Variants in NLGN1 observed in about 807,000 individuals in gnomAD.
NLGN1 encodes neuroligin 1.
Under a neutral mutation model 65.5 loss-of-function variants are expected in NLGN1, and 12 were observed. The observed-to-expected ratio is 0.18, with a 90% confidence interval of 0.12 to 0.30. The LOEUF (loss-of-function observed/expected upper bound fraction) is 0.30. NLGN1 is among the 10% of genes least tolerant of loss of function. The pLI is 1.00. For synonymous variants in NLGN1, 350 were observed against 359.5 expected (o/e 0.97, Z 0.30); for missense variants, 750 against 1,007.1 (o/e 0.74, Z 3.46).
intron 4 of NLGN1, among the ~76,000 whole-genome samples, chr3:174,026,596 C>T (rs558970468): frequency 6.6e-5 from 10 of 152,236 alleles, no homozygotes; most frequent in African/African-American, 2.4e-4. Context: ...ATAAGCACAA[C>T]TCAGAACATA....
chr3:173,638,712 G>A (rs1366428052), intron 3 of NLGN1, among the ~76,000 whole-genome samples: 1 of 152,110 alleles, frequency 6.6e-6, no homozygotes, highest in Non-Finnish European at 1.5e-5. Context: ...TCTATGAGGG[G>A]AGTTCTCTTT....
chr3:173,752,433 C>T (rs1341040988), intron 3 of NLGN1, among the ~76,000 whole-genome samples: 2 of 151,994 alleles, frequency 1.3e-5, no homozygotes, highest in African/African-American at 4.8e-5. Context: ...CTCTAACCAC[C>T]AGCTGCTTTT....
intron 3 of NLGN1, among the ~76,000 whole-genome samples, chr3:173,702,144 CAGG>C (rs1767280861): frequency 6.8e-6 from 1 of 146,378 alleles, no homozygotes; most frequent in Non-Finnish European, 1.5e-5. Context: ...GAGGCTGAGG[CAGG>C]AGAATGGCGT....
chr3:173,776,096 G>A (rs1488468657), intron 3 of NLGN1, among the ~76,000 whole-genome samples: 6 of 152,000 alleles, frequency 3.9e-5, no homozygotes, highest in African/African-American at 1.4e-4. Flanking sequence ...AGGCAAAAAT[G>A]CCCGACTAGT....
chr3:174,053,856 T>G (rs1735458604), intron 4 of NLGN1, among the ~76,000 whole-genome samples: 1 of 152,046 alleles, frequency 6.6e-6, no homozygotes, highest in Admixed American at 6.6e-5. Context: ...GAAATTTGAT[T>G]TTCTTTGCTT....
At chr3:173,565,718 G>C (rs1743537761) in intron 2 of NLGN1, among the ~76,000 whole-genome samples, 1 of 151,894 alleles carries the variant, frequency 6.6e-6, no homozygotes, top group Non-Finnish European at 1.5e-5. Context: ...ACCACATAAA[G>C]GTAAACCAAT....
intron 4 of NLGN1, among the ~76,000 whole-genome samples, chr3:174,036,640 G>T (rs1219548111): frequency 6.7e-6 from 1 of 149,404 alleles, no homozygotes; most frequent in Non-Finnish European, 1.5e-5. Flanking sequence ...TACATGTGCA[G>T]GTTTGTTACA....
At chr3:173,651,132 T>A (rs567119256) in intron 3 of NLGN1, among the ~76,000 whole-genome samples, 78 of 152,058 alleles carry the variant, frequency 5.1e-4, no homozygotes, top group South Asian at 4.8e-3. Flanking sequence ...CCACTCTGTA[T>A]GTTCATGTCT....
At chr3:173,471,355 TC>T (rs750224851) in intron 2 of NLGN1, among the ~76,000 whole-genome samples, 3 of 152,104 alleles carry the variant, frequency 2.0e-5, no homozygotes, top group Non-Finnish European at 2.9e-5. Context: ...TGAGGAACAA[TC>T]TATTCCTTGC....
At chr3:174,108,367 AG>A (rs1310401184) in intron 4 of NLGN1, among the ~76,000 whole-genome samples, 1 of 152,084 alleles carries the variant, frequency 6.6e-6, no homozygotes, top group Non-Finnish European at 1.5e-5. Context: ...TAAAGAGAGC[AG>A]GCATTTTGGG....
chr3:174,227,252 C>T (rs1052523818), intron 4 of NLGN1, among the ~76,000 whole-genome samples: 7 of 152,064 alleles, frequency 4.6e-5, no homozygotes, highest in African/African-American at 1.4e-4. Flanking sequence ...GAATTCATTA[C>T]GTTAATCCAA....
chr3:174,284,907 T>C (rs1751943390), exon 7 of NLGN1: 1 of 151,384 alleles, frequency 6.6e-6, no homozygotes, highest in South Asian at 2.1e-4. Flanking sequence ...GATCTGTATG[T>C]GAAAACAGCA....
chr3:173,746,349 TATTCTC>T (rs1775373135), intron 3 of NLGN1, among the ~76,000 whole-genome samples: 1 of 152,120 alleles, frequency 6.6e-6, no homozygotes, highest in Non-Finnish European at 1.5e-5. Context: ...TTTCTGTTCT[TATTCTC>T]AAGATAAAGT....
At position 173,650,724 on chromosome 3, in the gene NLGN1, A is replaced by C. The variant is rs142211649; in HGVS notation, c.493+45633A>C. The stretch of plus-strand genomic sequence containing the variant: ...ATTTATTACAAATATTTATGTTTTC[A>C]ACAGTGAACTGAGATGCTACCTTTA... On this transcript the variant is annotated intron_variant, in intron 3 of 6. Coordinates refer to ENST00000457714, the Ensembl canonical transcript of NLGN1. Among the ~76,000 whole-genome samples the C allele has an allele frequency of 5.8e-3, 886 of 152,298 alleles. 12 individuals are homozygous for C. Among genetic ancestry groups the C allele is most frequent in the African/African-American group, 0.02 (833 of 41,576 alleles).
intron 2 of NLGN1, among the ~76,000 whole-genome samples, chr3:173,448,872 G>C (rs1720910892): frequency 6.6e-6 from 1 of 152,164 alleles, no homozygotes; most frequent in Non-Finnish European, 1.5e-5. Flanking sequence ...AGTATTCTCT[G>C]ATGGTAGTTT....
intron 4 of NLGN1, among the ~76,000 whole-genome samples, chr3:173,810,925 G>A (rs979419233): frequency 1.1e-4 from 17 of 152,152 alleles, no homozygotes; most frequent in Non-Finnish European, 2.5e-4. Context: ...CCCTGGAAAT[G>A]CTATTGGAAG....
intron 4 of NLGN1, among the ~76,000 whole-genome samples, chr3:173,998,199 C>T (rs1722639699): frequency 6.6e-6 from 1 of 152,186 alleles, no homozygotes. Flanking sequence ...TCCTAGACAA[C>T]CTGCTTTCAA....
intron 4 of NLGN1, among the ~76,000 whole-genome samples, chr3:174,269,175 TA>T (rs1047765514): frequency 3.3e-5 from 5 of 151,648 alleles, no homozygotes; most frequent in Non-Finnish European, 5.9e-5. Context: ...ATTATTATAG[TA>T]AAAAAATTTA....
Position 174,242,845 on chromosome 3 carries a change from CCCAGTGCCAAAAATGTTGGCGA to C in NLGN1, c.647-32444_647-32423del, listed in dbSNP as rs539832454. Among the ~76,000 whole-genome samples, 98 of 151,966 alleles carry C rather than the reference CCCAGTGCCAAAAATGTTGGCGA, an allele frequency of 6.4e-4. No homozygotes were observed. In the East Asian group the frequency reaches 0.01, roughly 16 times the overall value. On this transcript the variant is annotated intron_variant, in intron 4 of 6. Coordinates refer to ENST00000457714, the Ensembl canonical transcript of NLGN1. ...AAAATTGGCTTCCACAAAACTGGTC[CCCAGTGCCAAAAATGTTGGCGA>C]CCAGTGCCAAAAATGTTGGCGACCA...
Sources: gnomAD v4.1 joint callset for allele counts (sites outside exome capture counted in the v4.1 genomes callset) on GRCh38, gnomAD v4.1.1 for gene constraint, MANE v1.5 for transcripts, NCBI Gene and HGNC (gene_info 2026-07-23, HGNC 2026-07-21) for gene names.